LRRFIP1: variants seen among roughly 807,000 people sequenced by gnomAD.
The protein encoded by LRRFIP1 is leucine-rich repeat flightless-interacting protein 1.
In LRRFIP1, 62 loss-of-function variants were observed where a neutral mutation model predicts 104.4. The ratio of observed to expected loss-of-function variants is 0.59; its 90% CI spans 0.48 to 0.73. The LOEUF (loss-of-function observed/expected upper bound fraction) is 0.73. LRRFIP1 is among the 30% of genes least tolerant of loss of function. The pLI, the probability that LRRFIP1 is intolerant of heterozygous loss-of-function variation, is 0.00. For synonymous variants in LRRFIP1, 300 were observed against 299.0 expected (o/e 1.00, Z -0.03); for missense variants, 796 against 824.5 (o/e 0.97, Z 0.42).
intron 1 of LRRFIP1, 24 bp downstream of exon 1, chr2:237,627,764 G>A: frequency 8.3e-7 from 1 of 1,204,722 alleles, no homozygotes. Flanking sequence ...GAGGGCAGCC[G>A]GGGGGCGCCG....
At chr2:237,648,778 GGATCCCCCTCAAAGCAGGCAGT>G (rs1174454708) in intron 1 of LRRFIP1, among the ~76,000 whole-genome samples, 12 of 147,288 alleles carry the variant, frequency 8.1e-5, no homozygotes, top group East Asian at 2.1e-4. Context: ...TGTGTGGCAA[GGATCCCCCTCAAAGCAGGCAGT>G]GATCCCCCTC....
intron 11 of LRRFIP1, 112 bp downstream of exon 11, chr2:237,739,421 T>C: frequency 1.0e-6 from 1 of 958,162 alleles, no homozygotes; most frequent in East Asian, 2.7e-5. Flanking sequence ...GGTGATATTA[T>C]TAGGATTACA....
Position 237,703,862 on chromosome 2 carries a change from GCCCACAGGCTA to G in LRRFIP1, c.97-4680_97-4670del, listed in dbSNP as rs925678752. 1.5e-4 allele frequency among the ~76,000 whole-genome samples: 23 copies of G among 152,232 alleles called. No homozygotes were observed. The highest frequency in any genetic ancestry group is 1.4e-3 in the Admixed American group (22 of 15,300). Reference sequence around the variant, plus strand: ...CTGTGGCCTCCCCGGGCCACGGTCAGCCCACAGGCTACTCACAGAAAGTGACAGGCCGTGTT... The same window carrying G: ...CTGTGGCCTCCCCGGGCCACGGTCAGCTCACAGAAAGTGACAGGCCGTGTT... On this transcript the variant is annotated intron_variant, in intron 1 of 23. Transcript: ENST00000308482. This position sits in a 1 kb window ranked among gnomAD's most constrained non-coding sequence, Gnocchi z 4.3.
intron 13 of LRRFIP1, among the ~76,000 whole-genome samples, chr2:237,750,359 A>C (rs1390556575): frequency 1.0e-5 from 1 of 98,730 alleles, no homozygotes; most frequent in Non-Finnish European, 2.0e-5. Context: ...TTTGGAGACA[A>C]GAGTTTTGCT....
chr2:237,685,674 C>T (rs1424856589), intron 1 of LRRFIP1, among the ~76,000 whole-genome samples: 6 of 152,312 alleles, frequency 3.9e-5, no homozygotes, highest in African/African-American at 1.2e-4. Flanking sequence ...CCCCTCCCCG[C>T]TCCCCACACC....
Position 237,748,267 on chromosome 2 carries a change from G to A in LRRFIP1, c.634-97G>A. ...CTTCTAAATTACAAAGGAAGCAAATGTTTTGTTTTGTTTTGTTTATCATTC... is the reference window on the plus strand; with the variant it reads ...CTTCTAAATTACAAAGGAAGCAAATATTTTGTTTTGTTTTGTTTATCATTC... On this transcript the variant is annotated intron_variant, in intron 11 of 23. Coordinates refer to ENST00000308482, the MANE Select transcript of LRRFIP1 (RefSeq NM_001137550.2). The A allele has an allele frequency of 5.4e-6, 5 of 924,054 alleles. No homozygotes were observed. The South Asian group carries it at 7.2e-5, about 13-fold the overall frequency. 57.2% of individuals were successfully genotyped at this position (924,054 alleles called of 1,614,324 possible).
intron 1 of LRRFIP1, among the ~76,000 whole-genome samples, chr2:237,694,228 A>G (rs970560108): frequency 6.6e-6 from 1 of 152,130 alleles, no homozygotes; most frequent in African/African-American, 2.4e-5. Flanking sequence ...GTTGTACCAG[A>G]ATATATGGTG....
intron 11 of LRRFIP1, among the ~76,000 whole-genome samples, chr2:237,740,565 A>C (rs1158758150): frequency 6.6e-6 from 1 of 152,164 alleles, no homozygotes; most frequent in Admixed American, 6.5e-5. Flanking sequence ...CGCAGCGCTG[A>C]GACCTCCTGC....
At chr2:237,630,916 C>A (rs537524022) in intron 1 of LRRFIP1, among the ~76,000 whole-genome samples, 1 of 152,232 alleles carries the variant, frequency 6.6e-6, no homozygotes, top group Admixed American at 6.5e-5. Flanking sequence ...TCTGGTGGCT[C>A]TCTCCAGAGA....
At chr2:237,684,991 T>C (rs2092230738) in intron 1 of LRRFIP1, among the ~76,000 whole-genome samples, 1 of 151,588 alleles carries the variant, frequency 6.6e-6, no homozygotes, top group Admixed American at 6.6e-5. Context: ...GGAGGCTGAG[T>C]TGGGAGGATA....
chr2:237,670,822 C>T (rs1046684991), intron 1 of LRRFIP1, among the ~76,000 whole-genome samples: 6 of 152,220 alleles, frequency 3.9e-5, no homozygotes, highest in Admixed American at 1.3e-4. Context: ...CCCGTGGGGC[C>T]GTTACGAGAA....
At chr2:237,633,191 A>G (rs1461700667) in intron 1 of LRRFIP1, among the ~76,000 whole-genome samples, 1 of 152,220 alleles carries the variant, frequency 6.6e-6, no homozygotes, top group Non-Finnish European at 1.5e-5. Context: ...TGATTCTCCT[A>G]AGCCAAACAC....
intron 19 of LRRFIP1, chr2:237,768,382 A>C (rs1427153915): frequency 1.3e-5 from 2 of 152,250 alleles, no homozygotes; most frequent in Non-Finnish European, 2.9e-5. Flanking sequence ...GAATATTTGA[A>C]GTTTTCTAGA....
intron 22 of LRRFIP1, among the ~76,000 whole-genome samples, chr2:237,773,429 T>G (rs2060817755): frequency 2.0e-5 from 3 of 151,992 alleles, no homozygotes; most frequent in Admixed American, 2.0e-4. Flanking sequence ...TCTCAGCTAC[T>G]CAGGAGGCTG....
intron 1 of LRRFIP1, among the ~76,000 whole-genome samples, chr2:237,679,610 G>A (rs116733717): frequency 0.013 from 1,945 of 152,214 alleles, 26 homozygotes; most frequent in East Asian, 0.047. Context: ...ATATCCTACC[G>A]TAATGATTTT....
chr2:237,708,443 A>T, intron 1 of LRRFIP1, 101 bp from the exon 2 acceptor site: 1 of 838,074 alleles, frequency 1.2e-6, no homozygotes, highest in Non-Finnish European at 1.8e-6. Flanking sequence ...TATATCTGTT[A>T]AACTCTGAAC....
chr2:237,648,027 C>T (rs545054955), intron 1 of LRRFIP1, among the ~76,000 whole-genome samples: 6 of 152,118 alleles, frequency 3.9e-5, no homozygotes, highest in African/African-American at 7.2e-5. Context: ...GTACAGCTTC[C>T]GACAGCAGTG....
rs955609527 is a variant in LRRFIP1, at chr2:237,781,247, G to C, written c.*1715G>C. ...AAACACTCACACATCACGCAGACAC[G>C]GCCGGCAGCATGCTGACGCTTTTAG... On this transcript the variant is annotated 3_prime_UTR_variant, in exon 24 of 24. Transcript: ENST00000308482. Among the ~76,000 whole-genome samples, 2 of 152,202 alleles carry C rather than the reference G, an allele frequency of 1.3e-5. No individual in the cohort carries two copies. Among genetic ancestry groups the C allele is most frequent in the Non-Finnish European group, 2.9e-5 (2 of 68,044 alleles).
rs568839525 is a variant in LRRFIP1, at chr2:237,735,238, G to T, written c.490-30G>T. 3.8e-6 allele frequency: 6 copies of T among 1,596,852 alleles called. No homozygotes were observed. The highest frequency in any genetic ancestry group is 1.1e-5 in the South Asian group (1 of 90,212). ...GGGCACTCTTGGAGAAAGGAAGAGC[G>T]CCCATCCTGACAGTCTCTTTTGGTC... On this transcript the variant is annotated intron_variant, in intron 9 of 23. Coordinates refer to ENST00000308482, the MANE Select transcript of LRRFIP1 (RefSeq NM_001137550.2). This position sits in a 1 kb window ranked among gnomAD's most constrained non-coding sequence, Gnocchi z 4.6.
Sources: allele counts gnomAD v4.1 joint callset (sites outside exome capture counted in the v4.1 genomes callset), GRCh38; gene constraint gnomAD v4.1.1; non-coding constraint Gnocchi (gnomAD v3.1); transcripts MANE v1.5; gene names NCBI Gene and HGNC (gene_info 2026-07-23, HGNC 2026-07-21).